The following FLNB variants were observed in gnomAD, a reference collection of about 807,000 sequenced individuals.
FLNB encodes filamin B, also known as filamin-B.
FLNB carries 111 observed loss-of-function variants against 250.6 expected under a neutral mutation model. The observed-to-expected ratio is 0.44, with a 90% CI of 0.38 to 0.52. FLNB has a LOEUF of 0.52. Ranked by LOEUF, FLNB falls within the 20% of genes least tolerant of loss-of-function variation. The probability of loss-of-function intolerance (pLI) is 0.00; values close to 1 mark genes in which losing one functional copy is unlikely to be tolerated. For synonymous variants in FLNB, 1,302 were observed against 1,372.1 expected (o/e 0.95, Z 1.13); for missense variants, 2,869 against 3,447.8 (o/e 0.83, Z 4.20).
chr3:58,107,138 T>A (rs879478844), intron 12 of FLNB, among the ~76,000 whole-genome samples: 1 of 152,200 alleles, frequency 6.6e-6, no homozygotes, highest in Non-Finnish European at 1.5e-5. Context: ...CAAGTGATTC[T>A]CGTGCCTTAG....
chr3:58,149,829 C>T, intron 36 of FLNB, 21 bp from the exon 37 acceptor site: 5 of 1,614,188 alleles, frequency 3.1e-6, no homozygotes, highest in Non-Finnish European at 4.2e-6. Flanking sequence ...GTCAGAACAG[C>T]CTGGGGCTGC....
chr3:58,102,168 G>C, intron 8 of FLNB, 35 bp from the exon 9 acceptor site: 1 of 1,613,858 alleles, frequency 6.2e-7, no homozygotes, highest in Non-Finnish European at 8.5e-7. Context: ...ACTAAAGAAT[G>C]AAAGATTGAA....
In FLNB at chr3:58,163,161, T is replaced by G. The variant is rs80356518; in HGVS notation, c.7029T>G (p.Tyr2343Ter). Reference protein sequence around the residue: ...CHVSELEPDKYAVRFIPHENG... With the variant: ...CHVSELEPDK Reference sequence around the variant, plus strand: ...CTTTGCTCATTCTCCTAGATAAGTATGCTGTTCGCTTCATCCCTCATGAGA... The same window carrying G: ...CTTTGCTCATTCTCCTAGATAAGTAGGCTGTTCGCTTCATCCCTCATGAGA... Residue 2343 changes from tyrosine (Y) to a stop codon, truncating the protein, a stop_gained, in exon 43 of 46, where the codon TAT becomes TAG. Coordinates refer to ENST00000295956, the MANE Select transcript of FLNB (RefSeq NM_001457.4). LOFTEE classifies it high-confidence loss of function. 1 of 1,614,172 alleles carries G rather than the reference T, an allele frequency of 6.2e-7. No individual in the cohort carries two copies. The highest frequency in any genetic ancestry group is 8.5e-7 in the Non-Finnish European group (1 of 1,179,980).
intron 21 of FLNB, 138 bp from the exon 22 acceptor site, chr3:58,124,194 T>C (rs1008666152): frequency 2.3e-6 from 2 of 866,938 alleles, no homozygotes; most frequent in Admixed American, 2.0e-5. Context: ...TATTCTTGAT[T>C]TGAGAGTTAG....
chr3:58,169,824 T>TGGGGGCTTTTTCTGGGGGGGGGG lies in FLNB; in HGVS notation c.7621+35_7621+36insGCTTTTTCTGGGGGGGGGGGGGG. 1.5e-6 allele frequency: 1 copy of TGGGGGCTTTTTCTGGGGGGGGGG among 684,936 alleles called. No homozygotes were observed. The highest frequency in any genetic ancestry group is 2.6e-6 in the Non-Finnish European group (1 of 387,978). 42.4% of individuals were successfully genotyped at this position (684,936 alleles called of 1,614,324 possible). On this transcript the variant is annotated intron_variant, in intron 45 of 45. Transcript: ENST00000295956. The surrounding 1 kb of genome is among the most constrained non-coding windows in gnomAD (Gnocchi z 4.8). ...TGTCTGGGCCTTTTCAAGGGTGGGG[T>TGGGGGCTTTTTCTGGGGGGGGGG]GGGGCAGGGGCAGGCTGGGCACCCT... is the stretch of plus-strand genomic sequence containing the variant.
At chr3:58,087,028 T>C (rs2097218429) in intron 4 of FLNB, among the ~76,000 whole-genome samples, 4 of 152,134 alleles carry the variant, frequency 2.6e-5, no homozygotes, top group Non-Finnish European at 4.4e-5. Context: ...GGAAAATCGC[T>C]TGAACCTGGG....
rs777106361 is a variant in FLNB, at chr3:58,132,867, A to T, written c.4450A>T (p.Thr1484Ser). The T allele has an allele frequency of 7.4e-6, 12 of 1,613,954 alleles. No homozygotes were observed. The East Asian group carries it at 2.5e-4, about 33-fold the overall frequency. Residue 1484 changes from threonine to serine, a missense_variant, in exon 26 of 46, where the codon ACC becomes TCC. Coordinates refer to ENST00000295956, the MANE Select transcript of FLNB (RefSeq NM_001457.4). ...AGATGGCACACACACAGTAACCTAC[A>T]CCCCATCTCAGGAGGGACCTTACAT... ...NGDGTHTVTY[T>S]PSQEGPYMVS... is the part of the protein sequence containing the mutation.
At chr3:58,084,400 G>A (rs758237397) in intron 4 of FLNB, among the ~76,000 whole-genome samples, 1 of 152,068 alleles carries the variant, frequency 6.6e-6, no homozygotes, top group Non-Finnish European at 1.5e-5. Flanking sequence ...TGGCCATCCG[G>A]CTTCCCTGTT....
Position 58,170,923 on chromosome 3 carries a change from C to T in FLNB, c.*161C>T. 4.5e-6 allele frequency: 3 copies of T among 665,182 alleles called. No homozygotes were observed. The highest frequency in any genetic ancestry group is 3.7e-5 in the South Asian group (2 of 54,550). The allele number at this position is 665,182 out of a possible 1,614,324, so 41.2% of individuals were successfully genotyped here. A position where few individuals can be genotyped will look rare whatever the true frequency, so the allele number is the denominator to read the frequency against. Reference sequence around the variant, plus strand: ...CTTCAGAAATAAGTCCTAGACTGGACTCTTGAGGGACATATTGGAGAATCT... The same window carrying T: ...CTTCAGAAATAAGTCCTAGACTGGATTCTTGAGGGACATATTGGAGAATCT... On this transcript the variant is annotated 3_prime_UTR_variant, in exon 46 of 46. Coordinates refer to ENST00000295956, the MANE Select transcript of FLNB (RefSeq NM_001457.4).
chr3:58,015,433 G>A (rs1017457814), intron 1 of FLNB, among the ~76,000 whole-genome samples: 5 of 152,156 alleles, frequency 3.3e-5, no homozygotes, highest in African/African-American at 9.7e-5. Flanking sequence ...AGTTCAGAAC[G>A]TCTGATGAAG....
intron 18 of FLNB, among the ~76,000 whole-genome samples, chr3:58,118,135 G>A (rs145609757): frequency 2.0e-5 from 3 of 152,332 alleles, no homozygotes; most frequent in African/African-American, 4.8e-5. Context: ...GAGAAATGGC[G>A]CACACATGGC....
At chr3:58,060,808 GAAAAGA>G (rs1177644363) in intron 1 of FLNB, among the ~76,000 whole-genome samples, 2 of 69,050 alleles carry the variant, frequency 2.9e-5, no homozygotes, top group Admixed American at 1.6e-4. Flanking sequence ...AAGAAAGAAA[GAAAAGA>G]AAAGAAAAGA....
intron 41 of FLNB, among the ~76,000 whole-genome samples, chr3:58,158,312 C>T (rs2097356350): frequency 6.6e-6 from 1 of 152,174 alleles, no homozygotes; most frequent in Non-Finnish European, 1.5e-5. Context: ...GCCAGAGGAA[C>T]CAAGGAGCTG....
In FLNB at chr3:58,084,532, C is replaced by T. The variant is rs142164318; in HGVS notation, c.787+2756C>T. 4.4e-3 allele frequency among the ~76,000 whole-genome samples: 659 copies of T among 150,760 alleles called. 7 individuals are homozygous for T. Among genetic ancestry groups the T allele is most frequent in the African/African-American group, 0.015 (625 of 40,954 alleles). Reference sequence around the variant, plus strand: ...TCTGCCTCTTAGCAAGTGTGGTGCACTTGTAGAGGAAACACACCCTTTTAA... The same window carrying T: ...TCTGCCTCTTAGCAAGTGTGGTGCATTTGTAGAGGAAACACACCCTTTTAA... On this transcript the variant is annotated intron_variant, in intron 4 of 45. Transcript: ENST00000295956.
At chr3:58,132,696 C>T (rs1365759163) in intron 25 of FLNB, 112 bp from the exon 26 acceptor site, 4 of 1,356,062 alleles carry the variant, frequency 2.9e-6, no homozygotes, top group Admixed American at 3.4e-5. Flanking sequence ...TGTTACTCAT[C>T]AGTGGAAACC....
intron 22 of FLNB, among the ~76,000 whole-genome samples, chr3:58,124,871 A>G (rs2107181452): frequency 1.3e-5 from 2 of 152,232 alleles, no homozygotes; most frequent in South Asian, 4.1e-4. Context: ...AGTGCCATGT[A>G]TATCTCCACT....
Position 58,153,430 on chromosome 3 carries a change from T to TGAGGCAGAGATTGTGCCC in FLNB, c.6424_6441dup (p.Glu2142_Pro2147dup). ...TCACCAGCCCCTCTGGCCGTGTGAC[T>TGAGGCAGAGATTGTGCCC]GAGGCAGAGATTGTGCCCATGGGGA... is the stretch of plus-strand genomic sequence containing the variant. On this transcript the variant is annotated inframe_insertion, in exon 39 of 46. Coordinates refer to ENST00000295956, the MANE Select transcript of FLNB (RefSeq NM_001457.4). 1 of 1,614,246 alleles carries TGAGGCAGAGATTGTGCCC rather than the reference T, an allele frequency of 6.2e-7. No homozygotes were observed. Among genetic ancestry groups the TGAGGCAGAGATTGTGCCC allele is most frequent in the South Asian group, 1.1e-5 (1 of 91,088 alleles).
chr3:58,063,912 G>A (rs13096731), intron 1 of FLNB, among the ~76,000 whole-genome samples: 41,423 of 151,676 alleles, frequency 0.27, 6,100 homozygotes, highest in Middle Eastern at 0.39. Context: ...ATTATAAAAG[G>A]GGAAAAAACT....
At chr3:58,037,058 C>CTTTT (rs549716136) in intron 1 of FLNB, among the ~76,000 whole-genome samples, 7 of 103,592 alleles carry the variant, frequency 6.8e-5, no homozygotes, top group African/African-American at 1.1e-4. Flanking sequence ...ACATTAGAGT[C>CTTTT]TTTTTTTTTT....
Sources: gnomAD v4.1 joint callset for allele counts (sites outside exome capture counted in the v4.1 genomes callset) on GRCh38, gnomAD v4.1.1 for gene constraint, Gnocchi (gnomAD v3.1) non-coding constraint, MANE v1.5 for transcripts, NCBI Gene and HGNC (gene_info 2026-07-23, HGNC 2026-07-21) for gene names.